Variants in SUSD1 observed in about 807,000 individuals in gnomAD.
The protein encoded by SUSD1 is sushi domain-containing protein 1.
A neutral mutation model predicts 86.9 loss-of-function variants in SUSD1; 65 were observed. The observed-to-expected ratio is 0.75, with a 90% CI of 0.61 to 0.92. The LOEUF (loss-of-function observed/expected upper bound fraction) is 0.92, where lower values mean the gene tolerates loss of function less well. Ranked by LOEUF, SUSD1 falls within the 40% of genes least tolerant of loss-of-function variation. The probability of loss-of-function intolerance (pLI) is 0.00; values close to 1 mark genes in which losing one functional copy is unlikely to be tolerated. For missense variants in SUSD1, 850 were observed against 929.7 expected (o/e 0.91, Z 1.11); for synonymous variants, 346 against 350.0 (o/e 0.99, Z 0.13).
At chr9:112,173,978 A>C (rs1211587319) in intron 1 of SUSD1, 1 of 198,710 alleles carries the variant, frequency 5.0e-6, no homozygotes, top group African/African-American at 2.4e-5. Context: ...CCATGTCTGC[A>C]CTGTAACCTG....
chr9:112,169,984 C>T (rs1833973634), intron 1 of SUSD1, among the ~76,000 whole-genome samples: 1 of 152,100 alleles, frequency 6.6e-6, no homozygotes, highest in Non-Finnish European at 1.5e-5. Flanking sequence ...TGAGTGTATC[C>T]TTTTTCTTAA....
intron 8 of SUSD1, among the ~76,000 whole-genome samples, chr9:112,104,457 G>A (rs928893544): frequency 6.6e-6 from 1 of 152,046 alleles, no homozygotes; most frequent in Non-Finnish European, 1.5e-5. Flanking sequence ...TTAGTAATGG[G>A]GAAGGACTTC....
At chr9:112,128,397 A>G (rs1379022182) in intron 5 of SUSD1, among the ~76,000 whole-genome samples, 1 of 148,954 alleles carries the variant, frequency 6.7e-6, no homozygotes, top group Non-Finnish European at 1.5e-5. Flanking sequence ...CCCGGCCTAC[A>G]ATCTTTTTTT....
At chr9:112,073,866 C>T (rs1456390694) in intron 12 of SUSD1, among the ~76,000 whole-genome samples, 3 of 151,902 alleles carry the variant, frequency 2.0e-5, no homozygotes, top group Non-Finnish European at 4.4e-5. Flanking sequence ...GCGTAAGCAA[C>T]AGAGCAAGCC....
chr9:112,080,508 C>T (rs748470647), intron 10 of SUSD1, among the ~76,000 whole-genome samples: 16 of 151,840 alleles, frequency 1.1e-4, no homozygotes, highest in Non-Finnish European at 1.5e-5. Context: ...GCCAACATAG[C>T]GAAACCCCAT....
chr9:112,159,829 T>C (rs914425488), intron 1 of SUSD1, among the ~76,000 whole-genome samples: 12 of 152,198 alleles, frequency 7.9e-5, no homozygotes, highest in Non-Finnish European at 1.3e-4. Context: ...GCATTTTCCT[T>C]TATGATCTGA....
chr9:112,051,839 T>C (rs1431320337), intron 15 of SUSD1, among the ~76,000 whole-genome samples: 1 of 152,122 alleles, frequency 6.6e-6, no homozygotes, highest in African/African-American at 2.4e-5. Context: ...TTGTCTCCCT[T>C]TCATTGCAAA....
intron 3 of SUSD1, among the ~76,000 whole-genome samples, 173 bp from the exon 4 acceptor site, chr9:112,143,796 T>A (rs181354049): frequency 9.6e-4 from 146 of 152,376 alleles, no homozygotes; most frequent in African/African-American, 3.4e-3. Flanking sequence ...GTTCTTCTCA[T>A]ATATCGTTCA....
intron 15 of SUSD1, chr9:112,052,017 G>A: frequency 1.7e-6 from 1 of 588,730 alleles, no homozygotes; most frequent in South Asian, 2.3e-5. Context: ...GAAAAGCTAT[G>A]TTTTCCCAGT....
At chr9:112,148,322 G>A (rs949013740) in intron 3 of SUSD1, among the ~76,000 whole-genome samples, 1 of 152,138 alleles carries the variant, frequency 6.6e-6, no homozygotes, top group African/African-American at 2.4e-5. Flanking sequence ...AAAATTAGGA[G>A]GGTTTGTCCC....
chr9:112,144,092 T>C (rs1832703301), intron 3 of SUSD1, among the ~76,000 whole-genome samples: 1 of 151,464 alleles, frequency 6.6e-6, no homozygotes, highest in Non-Finnish European at 1.5e-5. Flanking sequence ...ATACAAAAAT[T>C]AGCCAGCCAT....
intron 15 of SUSD1, among the ~76,000 whole-genome samples, chr9:112,046,635 T>A (rs930617417): frequency 6.6e-6 from 1 of 152,180 alleles, no homozygotes; most frequent in African/African-American, 2.4e-5. Context: ...GGTGTGGACA[T>A]TTTTTCATGA....
At chr9:112,066,254 C>G (rs1828973332) in intron 12 of SUSD1, among the ~76,000 whole-genome samples, 1 of 152,150 alleles carries the variant, frequency 6.6e-6, no homozygotes, top group African/African-American at 2.4e-5. Context: ...CCGTAAGGAA[C>G]AGAGCTTGGG....
At chr9:112,143,037 T>A (rs1403980217) in intron 4 of SUSD1, among the ~76,000 whole-genome samples, 2 of 134,398 alleles carry the variant, frequency 1.5e-5, no homozygotes, top group Non-Finnish European at 3.1e-5. Context: ...CAGGCTGGAG[T>A]GCAATGGCAT....
intron 5 of SUSD1, among the ~76,000 whole-genome samples, chr9:112,134,910 T>C (rs1832192862): frequency 6.6e-6 from 1 of 151,434 alleles, no homozygotes; most frequent in Admixed American, 6.6e-5. Context: ...GTACTAAAAA[T>C]ACAAAAATTA....
chr9:112,131,441 G>C (rs993516097), intron 5 of SUSD1, among the ~76,000 whole-genome samples: 1 of 152,110 alleles, frequency 6.6e-6, no homozygotes, highest in African/African-American at 2.4e-5. Flanking sequence ...AACCTTCTTG[G>C]GCCTGATGTT....
chr9:112,156,762 T>C (rs762654797), intron 2 of SUSD1, among the ~76,000 whole-genome samples: 21 of 152,268 alleles, frequency 1.4e-4, no homozygotes, highest in Non-Finnish European at 2.4e-4. Context: ...ACAACAAGGC[T>C]GTATATACCA....
chr9:112,145,150 C>T (rs778098086), intron 3 of SUSD1, among the ~76,000 whole-genome samples: 1 of 151,896 alleles, frequency 6.6e-6, no homozygotes, highest in Non-Finnish European at 1.5e-5. Flanking sequence ...AAAAAGCACC[C>T]TAACTGAAAT....
intron 5 of SUSD1, among the ~76,000 whole-genome samples, chr9:112,127,619 A>G (rs1831834178): frequency 6.6e-6 from 1 of 151,692 alleles, no homozygotes; most frequent in African/African-American, 2.4e-5. Flanking sequence ...TTGAGTGCCT[A>G]TTACATGCTA....
Sources: gnomAD v4.1 joint callset for allele counts (sites outside exome capture counted in the v4.1 genomes callset) on GRCh38, gnomAD v4.1.1 for gene constraint, MANE v1.5 for transcripts, NCBI Gene and HGNC (gene_info 2026-07-23, HGNC 2026-07-21) for gene names.